Variants in NR1I2 observed in about 807,000 individuals in gnomAD.
NR1I2 encodes nuclear receptor subfamily 1 group I member 2, also known as orphan nuclear receptor PAR1.
In NR1I2, 42 loss-of-function variants were observed where a neutral mutation model predicts 43.3. The observed-to-expected ratio is 0.97, with a 90% CI of 0.76 to 1.26. NR1I2 has a LOEUF of 1.26. Among genes scored for constraint, NR1I2 ranks in the 50% most tolerant of loss-of-function variants. The pLI is 0.00. For missense variants in NR1I2, 559 were observed against 566.7 expected (o/e 0.99, Z 0.14); for synonymous variants, 229 against 215.0 (o/e 1.06, Z -0.57).
chr3:119,782,551 AGG>A (rs2054788179), intron 1 of NR1I2, among the ~76,000 whole-genome samples: 7 of 64,406 alleles, frequency 1.1e-4, no homozygotes, highest in Non-Finnish European at 2.3e-4. Flanking sequence ...AAATCACCAC[AGG>A]AGAAGCCTTA....
chr3:119,782,865 CCT>C, intron 1 of NR1I2: 1 of 1,605,864 alleles, frequency 6.2e-7, no homozygotes, highest in Non-Finnish European at 8.5e-7. Flanking sequence ...GAGTTTTCTA[CCT>C]CTACTATTGA....
At chr3:119,812,614 G>C (rs2055259695) in intron 4 of NR1I2, 72 bp from the exon 5 acceptor site, 3 of 1,585,026 alleles carry the variant, frequency 1.9e-6, no homozygotes, top group Non-Finnish European at 2.6e-6. Flanking sequence ...GTTTGGCTGG[G>C]GCCTGAGTTG....
At chr3:119,808,950 G>A (rs773823305) in intron 2 of NR1I2, among the ~76,000 whole-genome samples, 1 of 152,216 alleles carries the variant, frequency 6.6e-6, no homozygotes, top group Non-Finnish European at 1.5e-5. Flanking sequence ...AGGCCAGTTG[G>A]GAAGGCAAAA....
intron 2 of NR1I2, 114 bp downstream of exon 2, chr3:119,807,561 C>A: frequency 2.3e-6 from 2 of 863,646 alleles, no homozygotes; most frequent in Non-Finnish European, 3.8e-6. Flanking sequence ...GTGGCCCACC[C>A]AAAGGCCTTG....
chr3:119,815,895 T>G, intron 8 of NR1I2, 64 bp downstream of exon 8: 1 of 1,353,800 alleles, frequency 7.4e-7, no homozygotes, highest in Admixed American at 2.0e-5. Context: ...TCAGGGAAAT[T>G]GCCCAAGACT....
chr3:119,809,569 G>A (rs1344019167), intron 2 of NR1I2, among the ~76,000 whole-genome samples: 7 of 142,168 alleles, frequency 4.9e-5, no homozygotes, highest in African/African-American at 1.5e-4. Context: ...GGGGGGGAAG[G>A]CGGGGGGGTG....
chr3:119,813,088 C>A, intron 5 of NR1I2, 128 bp downstream of exon 5: 1 of 1,082,120 alleles, frequency 9.2e-7, no homozygotes, highest in Non-Finnish European at 1.4e-6. Context: ...TTCCTGTGCC[C>A]TTTCCCCGGG....
chr3:119,782,884 A>G (rs750260244), intron 1 of NR1I2: 2 of 1,545,436 alleles, frequency 1.3e-6, no homozygotes, highest in South Asian at 2.2e-5. Context: ...TTGAAAGGGC[A>G]CCTTGTCCCA....
chr3:119,814,521 G>A (rs1246894837), intron 5 of NR1I2, among the ~76,000 whole-genome samples: 5 of 152,204 alleles, frequency 3.3e-5, no homozygotes, highest in African/African-American at 4.8e-5. Flanking sequence ...TCTGGAAAGG[G>A]GAGACTGCAC....
intron 5 of NR1I2, among the ~76,000 whole-genome samples, chr3:119,814,704 G>A (rs189658866): frequency 5.9e-5 from 9 of 152,334 alleles, no homozygotes; most frequent in African/African-American, 1.9e-4. Flanking sequence ...TGAAGGAGAT[G>A]GGGCCAGCCT....
At chr3:119,789,432 G>A (rs1312301655) in intron 1 of NR1I2, among the ~76,000 whole-genome samples, 1 of 152,182 alleles carries the variant, frequency 6.6e-6, no homozygotes, top group East Asian at 1.9e-4. Context: ...TCAGGCAAGA[G>A]AGAGAATGAG....
intron 1 of NR1I2, among the ~76,000 whole-genome samples, chr3:119,789,603 G>A (rs2054890241): frequency 6.6e-6 from 1 of 152,198 alleles, no homozygotes; most frequent in Admixed American, 6.5e-5. Context: ...TTCCAGATGA[G>A]ATTTTGGTGG....
intron 1 of NR1I2, among the ~76,000 whole-genome samples, chr3:119,785,150 A>G (rs1317361894): frequency 6.6e-6 from 1 of 152,234 alleles, no homozygotes; most frequent in African/African-American, 2.4e-5. Context: ...GAAGTGATGC[A>G]TACAGTTGTG....
rs1042502742 is a variant in NR1I2 at position 119,789,071 on chromosome 3, T to A, written c.-23+6771T>A. Among the ~76,000 whole-genome samples, 6 of 152,110 alleles carry A rather than the reference T, an allele frequency of 3.9e-5. No homozygotes were observed. The East Asian group carries it at 1.2e-3, about 29-fold the overall frequency. On this transcript the variant is annotated intron_variant, in intron 1 of 8. Coordinates refer to ENST00000393716, the MANE Select transcript of NR1I2 (RefSeq NM_003889.4). ...CTTGAAAGCTGGAGCATCACTCTCT[T>A]AGATTGTAAGCACAGGCTCCAGGTT...
chr3:119,808,738 C>G (rs535048883), intron 2 of NR1I2, among the ~76,000 whole-genome samples: 1 of 152,252 alleles, frequency 6.6e-6, no homozygotes, highest in African/African-American at 2.4e-5. Context: ...GGGGATCCAT[C>G]GTCTCCAAGC....
intron 1 of NR1I2, among the ~76,000 whole-genome samples, chr3:119,801,092 A>G (rs1419403784): frequency 6.6e-6 from 1 of 152,224 alleles, no homozygotes; most frequent in Non-Finnish European, 1.5e-5. Context: ...GTGCAGCCTG[A>G]CAGTGCCTTC....
At chr3:119,805,542 A>G (rs1403977644) in intron 1 of NR1I2, among the ~76,000 whole-genome samples, 1 of 152,042 alleles carries the variant, frequency 6.6e-6, no homozygotes, top group Non-Finnish European at 1.5e-5. Context: ...ATCTCTACTG[A>G]AAATACAAAA....
chr3:119,787,657 ATGTGTGTGTGTG>A (rs3030846), intron 1 of NR1I2, among the ~76,000 whole-genome samples: 1,991 of 128,362 alleles, frequency 0.016, 17 homozygotes, highest in Admixed American at 0.025. Flanking sequence ...TGCTATTAAT[ATGTGTGTGTGTG>A]TGTGTGTGTG....
intron 1 of NR1I2, among the ~76,000 whole-genome samples, chr3:119,803,937 T>A (rs977063737): frequency 2.6e-5 from 4 of 152,042 alleles, no homozygotes; most frequent in Non-Finnish European, 4.4e-5. Context: ...TTTGTATTTT[T>A]GGTAGAGATG....
Sources: gnomAD v4.1 joint callset for allele counts (sites outside exome capture counted in the v4.1 genomes callset) on GRCh38, gnomAD v4.1.1 for gene constraint, MANE v1.5 for transcripts, NCBI Gene and HGNC (gene_info 2026-07-23, HGNC 2026-07-21) for gene names.